MAN2A1: variants seen among roughly 807,000 people sequenced by gnomAD.
MAN2A1 encodes alpha-mannosidase 2.
In MAN2A1, 76 loss-of-function variants were observed where a neutral mutation model predicts 142.6. The ratio of observed to expected loss-of-function variants is 0.53; its 90% CI spans 0.44 to 0.65. The LOEUF is 0.65. Among genes scored for constraint, MAN2A1 ranks in the 30% least tolerant of loss-of-function variants. The probability of loss-of-function intolerance (pLI) is 0.00; values close to 1 mark genes in which losing one functional copy is unlikely to be tolerated. For synonymous variants in MAN2A1, 559 were observed against 473.2 expected, an observed-to-expected ratio of 1.18 and a Z score of -2.35; for missense variants, 1,311 against 1,365.1, an observed-to-expected ratio of 0.96 and a Z score of 0.62.
intron 20 of MAN2A1, among the ~76,000 whole-genome samples, chr5:109,855,882 G>T (rs569607943): frequency 6.6e-6 from 1 of 152,294 alleles, no homozygotes; most frequent in East Asian, 1.9e-4. Flanking sequence ...CATTTGGAAA[G>T]AATAAGAATT....
intron 12 of MAN2A1, among the ~76,000 whole-genome samples, chr5:109,816,596 A>G (rs1489187859): frequency 2.0e-5 from 3 of 152,214 alleles, no homozygotes; most frequent in Non-Finnish European, 2.9e-5. Context: ...ATATAGCCAT[A>G]CATTCTTAGT....
In MAN2A1 at chr5:109,867,537, T is replaced by C. The variant is rs1157467943; in HGVS notation, c.*539T>C. 6.6e-6 allele frequency: 1 copy of C among 152,584 alleles called. No individual in the cohort carries two copies. The highest frequency in any genetic ancestry group is 1.5e-5 in the Non-Finnish European group (1 of 68,018). The allele number at this position is 152,584 out of a possible 1,614,324, so 9.5% of individuals were successfully genotyped here. On this transcript the variant is annotated 3_prime_UTR_variant, in exon 22 of 22. Coordinates refer to ENST00000261483, the MANE Select transcript of MAN2A1 (RefSeq NM_002372.4). The stretch of plus-strand genomic sequence containing the variant: ...CCACCCTTATGATTAACGTAGATGA[T>C]TTTTATACCTTTTTCTGATGTACCT...
At chr5:109,773,438 T>C (rs1453097850) in intron 7 of MAN2A1, among the ~76,000 whole-genome samples, 2 of 152,216 alleles carry the variant, frequency 1.3e-5, no homozygotes. Context: ...ATCTATGATT[T>C]ATATATTTGA....
chr5:109,732,304 T>C (rs1366550531), intron 4 of MAN2A1, among the ~76,000 whole-genome samples: 4 of 151,754 alleles, frequency 2.6e-5, no homozygotes, highest in African/African-American at 9.7e-5. Context: ...TTCTCCCATT[T>C]TGTAGGTTGC....
At chr5:109,820,407 A>T in intron 15 of MAN2A1, 65 bp downstream of exon 15, 1 of 1,437,366 alleles carries the variant, frequency 7.0e-7, no homozygotes, top group Non-Finnish European at 9.5e-7. Flanking sequence ...GAGGAAAAAG[A>T]TAAGTGAGTG....
intron 5 of MAN2A1, among the ~76,000 whole-genome samples, chr5:109,755,696 G>C (rs1752670515): frequency 6.6e-6 from 1 of 150,940 alleles, no homozygotes; most frequent in Non-Finnish European, 1.5e-5. Flanking sequence ...ATTTTTATTG[G>C]TTTTGGGATT....
intron 12 of MAN2A1, among the ~76,000 whole-genome samples, chr5:109,804,453 C>CTCAAAATATT (rs1251661766): frequency 6.6e-6 from 1 of 151,926 alleles, no homozygotes; most frequent in Admixed American, 6.6e-5. Flanking sequence ...TTAATATATA[C>CTCAAAATATT]TCAAAATATT....
chr5:109,741,338 C>A (rs1053444540), intron 4 of MAN2A1, among the ~76,000 whole-genome samples: 52 of 152,244 alleles, frequency 3.4e-4, no homozygotes, highest in African/African-American at 1.3e-3. Context: ...CATTCCCCCC[C>A]ACTTACTTGA....
intron 8 of MAN2A1, among the ~76,000 whole-genome samples, chr5:109,778,469 G>A (rs899061271): frequency 6.6e-6 from 1 of 152,046 alleles, no homozygotes; most frequent in African/African-American, 2.4e-5. Flanking sequence ...CATAATGTTT[G>A]CTGTAGAATT....
chr5:109,785,552 C>G (rs1753575196), intron 10 of MAN2A1, among the ~76,000 whole-genome samples: 1 of 151,948 alleles, frequency 6.6e-6, no homozygotes, highest in Non-Finnish European at 1.5e-5. Context: ...TAAGTTATTT[C>G]TATATTAAAG....
At chr5:109,736,591 A>C (rs1752106499) in intron 4 of MAN2A1, among the ~76,000 whole-genome samples, 1 of 152,172 alleles carries the variant, frequency 6.6e-6, no homozygotes, top group Non-Finnish European at 1.5e-5. Flanking sequence ...GTATTTTCTA[A>C]GAAAATAATT....
intron 5 of MAN2A1, among the ~76,000 whole-genome samples, chr5:109,763,284 A>ATTTAATTAGTAGGC (rs1332213976): frequency 3.9e-5 from 6 of 152,152 alleles, no homozygotes; most frequent in Non-Finnish European, 8.8e-5. Context: ...ACCTCTATGA[A>ATTTAATTAGTAGGC]TTTAATTAGT....
rs953649987 is a variant in MAN2A1 at position 109,867,054 on chromosome 5, G to A, written c.*56G>A. ...TTGGCTTTTATACCTTTCTTGGTTT[G>A]ACGTGCAATAAAGAAGCACATTATT... On this transcript the variant is annotated 3_prime_UTR_variant, in exon 22 of 22. Transcript: ENST00000261483. 28 of 1,432,892 alleles carry A rather than the reference G, an allele frequency of 2.0e-5. No homozygotes were observed. The African/African-American group carries it at 4.0e-4, about 21-fold the overall frequency. 88.8% of individuals were successfully genotyped at this position (1,432,892 alleles called of 1,614,324 possible). A position where few individuals can be genotyped will look rare whatever the true frequency, so the allele number is the denominator to read the frequency against.
intron 16 of MAN2A1, among the ~76,000 whole-genome samples, chr5:109,838,293 TG>T (rs1382730791): frequency 6.6e-6 from 1 of 152,216 alleles, no homozygotes; most frequent in Non-Finnish European, 1.5e-5. Flanking sequence ...TATTTCTCTT[TG>T]TTAAAACCTG....
chr5:109,855,176 C>G lies in MAN2A1; in HGVS notation c.3013C>G (p.Leu1005Val), dbSNP rs776407468. 6.3e-7 allele frequency: 1 copy of G among 1,593,580 alleles called. No individual in the cohort carries two copies. The highest frequency in any genetic ancestry group is 8.5e-7 in the Non-Finnish European group (1 of 1,173,388). The change falls in exon 20 of 22, where the codon CTT becomes GTT. Residue 1005 changes from leucine to valine, a missense_variant. Coordinates refer to ENST00000261483, the MANE Select transcript of MAN2A1 (RefSeq NM_002372.4). Reference protein sequence around the residue: ...EKKSVSYPSLLSHITSSLMNH... With the variant: ...EKKSVSYPSLVSHITSSLMNH... ...GAAGTCGGTCAGTTATCCTTCTCTC[C>G]TTAGCCACATAACTTCTTCTCTCAT...
chr5:109,852,086 G>C (rs1037076440), intron 19 of MAN2A1, among the ~76,000 whole-genome samples: 2 of 151,138 alleles, frequency 1.3e-5, no homozygotes, highest in African/African-American at 4.9e-5. Context: ...AATGTGTTTT[G>C]GGTTTTTTGA....
chr5:109,849,670 G>A (rs983549083), intron 19 of MAN2A1, among the ~76,000 whole-genome samples: 3 of 150,026 alleles, frequency 2.0e-5, no homozygotes, highest in South Asian at 2.1e-4. Context: ...TCTTTCTGCC[G>A]TATGTCTGTT....
intron 5 of MAN2A1, among the ~76,000 whole-genome samples, chr5:109,764,233 G>A (rs1037715616): frequency 2.0e-5 from 3 of 151,896 alleles, no homozygotes; most frequent in East Asian, 1.9e-4. Context: ...GGTACTATTC[G>A]TATTACTAAT....
At chr5:109,798,222 A>G (rs1582907566) in intron 12 of MAN2A1, among the ~76,000 whole-genome samples, 1 of 152,362 alleles carries the variant, frequency 6.6e-6, no homozygotes, top group East Asian at 1.9e-4. Context: ...GTGGAGAGGC[A>G]GGAGCATATA....
Sources: gnomAD v4.1 joint callset for allele counts (sites outside exome capture counted in the v4.1 genomes callset) on GRCh38, gnomAD v4.1.1 for gene constraint, MANE v1.5 for transcripts, NCBI Gene and HGNC (gene_info 2026-07-23, HGNC 2026-07-21) for gene names.